ARHGAP26: variants seen among roughly 807,000 people sequenced by gnomAD.
ARHGAP26 encodes rho GTPase-activating protein 26.
ARHGAP26 carries 38 observed loss-of-function variants against 104.8 expected under a neutral mutation model. That is an observed-to-expected ratio of 0.36 (90% CI 0.28 to 0.48). The LOEUF is 0.48. Ranked by LOEUF, ARHGAP26 falls within the 20% of genes least tolerant of loss-of-function variation. The pLI is 0.99. For missense variants in ARHGAP26, 704 were observed against 947.9 expected (o/e 0.74, Z 3.38); for synonymous variants, 341 against 340.0 (o/e 1.00, Z -0.03).
chr5:142,860,965 G>A (rs1398586208), intron 1 of ARHGAP26, among the ~76,000 whole-genome samples: 2 of 152,154 alleles, frequency 1.3e-5, no homozygotes, highest in African/African-American at 4.8e-5. Context: ...GATTGAGGGT[G>A]GGCTCCCTGG....
At chr5:143,055,928 C>T (rs1785741702) in intron 15 of ARHGAP26, 100 bp from the exon 16 acceptor site, 5 of 771,506 alleles carry the variant, frequency 6.5e-6, no homozygotes, top group Non-Finnish European at 1.0e-5. Flanking sequence ...TCTTTGTCTT[C>T]GAGAAATGTA....
At chr5:142,986,715 CTA>C (rs1225034118) in intron 11 of ARHGAP26, among the ~76,000 whole-genome samples, 1 of 152,192 alleles carries the variant, frequency 6.6e-6, no homozygotes, top group Non-Finnish European at 1.5e-5. Context: ...TTTCAGCTTT[CTA>C]TATATGGCTA....
At chr5:142,949,801 C>T (rs1239364836) in intron 11 of ARHGAP26, among the ~76,000 whole-genome samples, 1 of 152,148 alleles carries the variant, frequency 6.6e-6, no homozygotes, top group African/African-American at 2.4e-5. Flanking sequence ...GCATAGTGGT[C>T]ATGTCTGTGA....
chr5:143,133,931 G>A (rs56868024), intron 18 of ARHGAP26, 36 bp from the exon 19 acceptor site: 1 of 1,579,164 alleles, frequency 6.3e-7, no homozygotes. Flanking sequence ...CCAGTCCACA[G>A]ATGTGAGTAA....
At chr5:143,171,893 G>C (rs1336074913) in intron 20 of ARHGAP26, among the ~76,000 whole-genome samples, 1 of 152,062 alleles carries the variant, frequency 6.6e-6, no homozygotes, top group East Asian at 1.9e-4. Flanking sequence ...TTGCGATTTG[G>C]GATTTGAACT....
intron 12 of ARHGAP26, among the ~76,000 whole-genome samples, chr5:143,020,618 C>G (rs1205615346): frequency 7.1e-6 from 1 of 140,396 alleles, no homozygotes; most frequent in African/African-American, 2.6e-5. Flanking sequence ...TGTTTTTAAT[C>G]TAGTGCTCTA....
chr5:142,952,651 A>G (rs1768577919), intron 11 of ARHGAP26, among the ~76,000 whole-genome samples: 2 of 152,168 alleles, frequency 1.3e-5, no homozygotes, highest in Admixed American at 1.3e-4. Flanking sequence ...TTGGGAGATC[A>G]GTCATCCCAT....
At chr5:143,121,633 G>T (rs1796144224) in intron 18 of ARHGAP26, among the ~76,000 whole-genome samples, 1 of 152,118 alleles carries the variant, frequency 6.6e-6, no homozygotes, top group African/African-American at 2.4e-5. Context: ...TTTTATAAAT[G>T]GTGTTGTATT....
chr5:142,981,415 G>A (rs1389955552), intron 11 of ARHGAP26, among the ~76,000 whole-genome samples: 1 of 152,148 alleles, frequency 6.6e-6, no homozygotes, highest in Non-Finnish European at 1.5e-5. Flanking sequence ...AACACAAAAT[G>A]TAGTCTAAAT....
At chr5:143,041,431 T>A (rs1783452410) in intron 13 of ARHGAP26, 1 of 171,608 alleles carries the variant, frequency 5.8e-6, no homozygotes, top group African/African-American at 2.4e-5. Context: ...TGTCTTTTTC[T>A]GTTGTATGAA....
intron 11 of ARHGAP26, among the ~76,000 whole-genome samples, chr5:142,960,875 G>A (rs1770117618): frequency 6.6e-6 from 1 of 152,158 alleles, no homozygotes; most frequent in Non-Finnish European, 1.5e-5. Flanking sequence ...GGTCTTCAGT[G>A]TTCTTCAGTT....
chr5:142,878,696 C>T (rs758114750), intron 3 of ARHGAP26, among the ~76,000 whole-genome samples: 1 of 152,150 alleles, frequency 6.6e-6, no homozygotes, highest in Non-Finnish European at 1.5e-5. Context: ...GGAGCTGTCC[C>T]TGTAAGGGTT....
intron 1 of ARHGAP26, among the ~76,000 whole-genome samples, chr5:142,854,612 C>A (rs544679432): frequency 2.6e-5 from 4 of 152,132 alleles, no homozygotes; most frequent in African/African-American, 9.7e-5. Context: ...TTGACTTGTT[C>A]TTGGAGATTA....
intron 1 of ARHGAP26, among the ~76,000 whole-genome samples, chr5:142,824,300 TAAA>T (rs918805779): frequency 1.3e-5 from 2 of 152,142 alleles, no homozygotes; most frequent in African/African-American, 4.8e-5. Context: ...ATCGGAATAT[TAAA>T]AAATCCCCAA....
At chr5:143,095,245 AT>A (rs1305455230) in intron 17 of ARHGAP26, among the ~76,000 whole-genome samples, 2 of 151,974 alleles carry the variant, frequency 1.3e-5, no homozygotes, top group Non-Finnish European at 2.9e-5. Flanking sequence ...TAAATTAGCC[AT>A]TTTAAAGTAT....
intron 18 of ARHGAP26, among the ~76,000 whole-genome samples, chr5:143,124,127 C>T (rs1410791340): frequency 6.6e-6 from 1 of 152,228 alleles, no homozygotes; most frequent in Non-Finnish European, 1.5e-5. Context: ...AGCCCTACTA[C>T]AGGGCTAAAG....
chr5:142,921,930 A>C (rs964235031), intron 10 of ARHGAP26: 2 of 152,072 alleles, frequency 1.3e-5, no homozygotes, highest in East Asian at 1.9e-4. Context: ...GCTTTGGTGG[A>C]TATTCCTGTG....
At position 142,943,613 on chromosome 5, in the gene ARHGAP26, G is replaced by T. The variant is rs1664016672; in HGVS notation, c.1107+11488G>T. 2.0e-5 allele frequency among the ~76,000 whole-genome samples: 3 copies of T among 152,036 alleles called. No homozygotes were observed. The South Asian group carries it at 6.2e-4, about 32-fold the overall frequency. On this transcript the variant is annotated intron_variant, in intron 11 of 22. Coordinates refer to ENST00000645722, the MANE Select transcript of ARHGAP26 (RefSeq NM_001135608.3). ...AGGTTTGCAACACATGAAATTTTTTGGGGGAAGGCACACACATTTAGACCA... is the reference window on the plus strand; with the variant it reads ...AGGTTTGCAACACATGAAATTTTTTTGGGGAAGGCACACACATTTAGACCA...
At chr5:143,069,518 A>G (rs1046704941) in intron 17 of ARHGAP26, among the ~76,000 whole-genome samples, 1 of 152,232 alleles carries the variant, frequency 6.6e-6, no homozygotes, top group Non-Finnish European at 1.5e-5. Flanking sequence ...TCTCCTGGGT[A>G]AGGTCCCCAC....
Sources: gnomAD v4.1 joint callset for allele counts (sites outside exome capture counted in the v4.1 genomes callset) on GRCh38, gnomAD v4.1.1 for gene constraint, MANE v1.5 for transcripts, NCBI Gene and HGNC (gene_info 2026-07-23, HGNC 2026-07-21) for gene names.